RELCH: variants seen among roughly 807,000 people sequenced by gnomAD.
The protein encoded by RELCH is RAB11-binding protein RELCH.
In RELCH, 41 loss-of-function variants were observed where a neutral mutation model predicts 150.3. The ratio of observed to expected loss-of-function variants is 0.27; its 90% CI spans 0.21 to 0.35. RELCH has a LOEUF of 0.35. RELCH is among the 10% of genes least tolerant of loss of function. The pLI, the probability that RELCH is intolerant of heterozygous loss-of-function variation, is 1.00. For synonymous variants in RELCH, 478 were observed against 531.8 expected (o/e 0.90, Z 1.39); for missense variants, 1,092 against 1,467.8 (o/e 0.74, Z 4.18).
In RELCH at chr18:62,219,701, G is replaced by A. The variant is rs547855243; in HGVS notation, c.617-1336G>A. Reference sequence around the variant, plus strand: ...TACCAAAAAACATAAAGTAACATACGATGTCATCTGATTTTTAGTGGTGCT... The same window carrying A: ...TACCAAAAAACATAAAGTAACATACAATGTCATCTGATTTTTAGTGGTGCT... On this transcript the variant is annotated intron_variant, in intron 2 of 28. Transcript: ENST00000644646. Among the ~76,000 whole-genome samples the A allele has an allele frequency of 7.0e-4, 107 of 152,046 alleles. 1 individual carries two copies. Among genetic ancestry groups the A allele is most frequent in the Admixed American group, 1.6e-3 (24 of 15,244 alleles).
chr18:62,221,281 G>T lies in RELCH; in HGVS notation c.744+7G>T. 1.2e-6 allele frequency: 2 copies of T among 1,601,974 alleles called. No homozygotes were observed. The highest frequency in any genetic ancestry group is 2.2e-5 in the South Asian group (2 of 90,762). On this transcript the variant is annotated splice_region_variant and intron_variant, in intron 4 of 28. Transcript: ENST00000644646. Reference sequence around the variant, plus strand: ...ATCAAGTCCTGAAATTCAGGTGGGTGACAGAAGACAAATGTAAAATTAATC... The same window carrying T: ...ATCAAGTCCTGAAATTCAGGTGGGTTACAGAAGACAAATGTAAAATTAATC...
At chr18:62,288,119 T>C (rs1411605652) in intron 26 of RELCH, among the ~76,000 whole-genome samples, 2 of 152,148 alleles carry the variant, frequency 1.3e-5, no homozygotes, top group African/African-American at 4.8e-5. Context: ...TACTATCCTA[T>C]GCCTATAAAA....
intron 28 of RELCH, among the ~76,000 whole-genome samples, chr18:62,299,574 T>C (rs2045575105): frequency 6.6e-6 from 1 of 152,204 alleles, no homozygotes; most frequent in Non-Finnish European, 1.5e-5. Flanking sequence ...ATATCTTTGA[T>C]GTGTTAGAAC....
rs1568425722 is a variant in RELCH at position 62,279,756 on chromosome 18, CCT to C, written c.2968-17_2968-16del. The C allele has an allele frequency of 2.0e-6, 3 of 1,513,856 alleles. No homozygotes were observed. The allele number at this position is 1,513,856 out of a possible 1,614,324, so 93.8% of individuals were successfully genotyped here. A position where few individuals can be genotyped will look rare whatever the true frequency, so the allele number is the denominator to read the frequency against. ...TTCCGTGCATCACCTGTGAATACCC[CCT>C]GTGCTGACCAATCAGCTGTTGGTGA... is the stretch of plus-strand genomic sequence containing the variant. On this transcript the variant is annotated splice_polypyrimidine_tract_variant and intron_variant, in intron 22 of 28. Transcript: ENST00000644646.
At chr18:62,231,342 C>A in intron 9 of RELCH, 73 bp downstream of exon 9, 1 of 921,880 alleles carries the variant, frequency 1.1e-6, no homozygotes. Context: ...AGTTTCTCTT[C>A]TACAGAAGCA....
chr18:62,267,107 A>G (rs973232171), intron 19 of RELCH, among the ~76,000 whole-genome samples: 2 of 151,970 alleles, frequency 1.3e-5, no homozygotes, highest in African/African-American at 2.4e-5. Context: ...GTTCTATAAT[A>G]CTTTTAAAAA....
chr18:62,301,864 A>C (rs1941935978), intron 28 of RELCH, among the ~76,000 whole-genome samples: 1 of 152,228 alleles, frequency 6.6e-6, no homozygotes, highest in African/African-American at 2.4e-5. Context: ...TACCATTCTA[A>C]ACATTTTTCA....
intron 1 of RELCH, among the ~76,000 whole-genome samples, chr18:62,210,608 C>A (rs973174705): frequency 1.3e-4 from 20 of 152,100 alleles, no homozygotes; most frequent in African/African-American, 4.8e-4. Context: ...TACATATATT[C>A]CTTTACTTCA....
intron 10 of RELCH, among the ~76,000 whole-genome samples, chr18:62,234,430 A>G (rs971851171): frequency 6.6e-6 from 1 of 151,598 alleles, no homozygotes; most frequent in Admixed American, 6.6e-5. Flanking sequence ...CATTAAATCT[A>G]CATTTTTATA....
At chr18:62,209,518 C>A (rs1428417057) in intron 1 of RELCH, among the ~76,000 whole-genome samples, 1 of 152,054 alleles carries the variant, frequency 6.6e-6, no homozygotes, top group Non-Finnish European at 1.5e-5. Context: ...AACTGTGCTG[C>A]CTTGATTACT....
At chr18:62,221,657 T>C (rs999223597) in intron 5 of RELCH, among the ~76,000 whole-genome samples, 160 bp downstream of exon 5, 1 of 151,500 alleles carries the variant, frequency 6.6e-6, no homozygotes, top group Non-Finnish European at 1.5e-5. Context: ...GCTAATTCTA[T>C]TAGCTTACAG....
chr18:62,263,622 G>A (rs552703890), intron 16 of RELCH, among the ~76,000 whole-genome samples: 99 of 151,954 alleles, frequency 6.5e-4, no homozygotes, highest in Middle Eastern at 6.8e-3. Context: ...CATAAAAATG[G>A]TAACCCACAC....
intron 1 of RELCH, among the ~76,000 whole-genome samples, chr18:62,205,577 C>G (rs1271124658): frequency 6.6e-6 from 1 of 152,184 alleles, no homozygotes; most frequent in Non-Finnish European, 1.5e-5. Flanking sequence ...AGTAGTAGTC[C>G]TGAGTTCAGC....
chr18:62,219,325 C>CTTTTTTTTTTTTTTTTTTT (rs202196452), intron 2 of RELCH, among the ~76,000 whole-genome samples: 86 of 112,816 alleles, frequency 7.6e-4, no homozygotes, highest in Middle Eastern at 4.7e-3. Flanking sequence ...TTCTTTTTTT[C>CTTTTTTTTTTTTTTTTTTT]TTTTTTTTTT....
At chr18:62,279,905 C>T in intron 23 of RELCH, 49 bp downstream of exon 23, 1 of 1,209,998 alleles carries the variant, frequency 8.3e-7, no homozygotes, top group Non-Finnish European at 1.2e-6. Flanking sequence ...TCAAAATGTG[C>T]CTGTCAAGAA....
intron 1 of RELCH, among the ~76,000 whole-genome samples, chr18:62,190,542 AG>A (rs1334797064): frequency 6.6e-6 from 1 of 152,230 alleles, no homozygotes; most frequent in Non-Finnish European, 1.5e-5. Flanking sequence ...CCACCACTGC[AG>A]TCCAGCCTGG....
At chr18:62,263,925 C>A in intron 16 of RELCH, 64 bp from the exon 17 acceptor site, 2 of 1,328,770 alleles carry the variant, frequency 1.5e-6, no homozygotes, top group Non-Finnish European at 2.1e-6. Context: ...TTCCTTTCAA[C>A]AGAATATCTA....
chr18:62,229,534 C>CTGTCTGTG (rs2041438111), intron 8 of RELCH, among the ~76,000 whole-genome samples: 1 of 148,028 alleles, frequency 6.8e-6, no homozygotes, highest in Admixed American at 6.7e-5. Flanking sequence ...GTCTGTCTGT[C>CTGTCTGTG]TGTCTGTGTT....
chr18:62,195,433 A>G (rs1395511001), intron 1 of RELCH, among the ~76,000 whole-genome samples: 1 of 152,164 alleles, frequency 6.6e-6, no homozygotes, highest in African/African-American at 2.4e-5. Flanking sequence ...AGGTTATAGT[A>G]ACTTAGCAAG....
Sources: gnomAD v4.1 joint callset for allele counts (sites outside exome capture counted in the v4.1 genomes callset) on GRCh38, gnomAD v4.1.1 for gene constraint, MANE v1.5 for transcripts, NCBI Gene and HGNC (gene_info 2026-07-23, HGNC 2026-07-21) for gene names.